The following CAPN5 variants were observed in gnomAD, a reference collection of about 807,000 sequenced individuals.
CAPN5 encodes calpain 5.
CAPN5 carries 54 observed loss-of-function variants against 73.0 expected under a neutral mutation model. The observed-to-expected ratio is 0.74, with a 90% CI of 0.59 to 0.93. The LOEUF is 0.93. Ranked by LOEUF, CAPN5 falls within the 40% of genes least tolerant of loss-of-function variation. The pLI is 0.00. For synonymous variants in CAPN5, 335 were observed against 356.9 expected, an observed-to-expected ratio of 0.94 and a Z score of 0.69; for missense variants, 785 against 882.9, an observed-to-expected ratio of 0.89 and a Z score of 1.41.
chr11:77,067,702 A>C (rs540769007), intron 1 of CAPN5, among the ~76,000 whole-genome samples: 72 of 1,076 alleles, frequency 0.067, no homozygotes, highest in Admixed American at 0.29. Flanking sequence ...TCTGGGAGGG[A>C]ATGGATCTTT....
intron 2 of CAPN5, among the ~76,000 whole-genome samples, chr11:77,088,621 C>T (rs1370039131): frequency 3.3e-5 from 5 of 152,126 alleles, no homozygotes; most frequent in Admixed American, 6.5e-5. Flanking sequence ...ACCTGTTTCC[C>T]ACTGTCTAGT....
At chr11:77,070,404 C>T (rs1479738198) in intron 1 of CAPN5, among the ~76,000 whole-genome samples, 2 of 152,244 alleles carry the variant, frequency 1.3e-5, no homozygotes, top group Non-Finnish European at 1.5e-5. Context: ...CAGCCAGTGC[C>T]CCCTGCTGCT....
intron 1 of CAPN5, among the ~76,000 whole-genome samples, chr11:77,068,971 A>C (rs1442317591): frequency 2.6e-5 from 4 of 152,120 alleles, no homozygotes; most frequent in African/African-American, 9.7e-5. Flanking sequence ...CCAGGCCAGC[A>C]CTGTCTCTGT....
chr11:77,120,388 G>T, intron 9 of CAPN5: 1 of 244,332 alleles, frequency 4.1e-6, no homozygotes, highest in Non-Finnish European at 7.8e-6. Flanking sequence ...CACAGAGCAT[G>T]CAATTCAGCC....
intron 2 of CAPN5, among the ~76,000 whole-genome samples, chr11:77,091,614 C>T (rs1409424283): frequency 6.6e-6 from 1 of 152,222 alleles, no homozygotes; most frequent in African/African-American, 2.4e-5. Flanking sequence ...ACCATACCCA[C>T]AGCCACTGGG....
intron 6 of CAPN5, 119 bp downstream of exon 6, chr11:77,115,707 C>A: frequency 1.3e-6 from 1 of 752,856 alleles, no homozygotes; most frequent in Non-Finnish European, 2.2e-6. Context: ...GAGGATGACA[C>A]TAGGAACGAA....
chr11:77,103,174 C>T (rs782164015), intron 3 of CAPN5: 6 of 1,613,828 alleles, frequency 3.7e-6, no homozygotes, highest in Middle Eastern at 1.6e-4. Flanking sequence ...AAGGAGGACT[C>T]GGATGCCATA....
intron 1 of CAPN5, among the ~76,000 whole-genome samples, chr11:77,070,811 G>A (rs553465945): frequency 6.6e-6 from 1 of 152,240 alleles, no homozygotes; most frequent in South Asian, 2.1e-4. Context: ...GTCTCTTCCA[G>A]CCTCCGGTGG....
At chr11:77,111,733 C>A (rs1374495993) in intron 3 of CAPN5, among the ~76,000 whole-genome samples, 1 of 152,106 alleles carries the variant, frequency 6.6e-6, no homozygotes, top group African/African-American at 2.4e-5. Context: ...AACATCAGAG[C>A]TCAAAGTCAC....
Position 77,087,496 on chromosome 11 carries a change from TCCTCAGCCAGCC to T in CAPN5, c.165+2446_165+2457del, listed in dbSNP as rs538978400. Among the ~76,000 whole-genome samples the T allele has an allele frequency of 8.4e-4, 128 of 152,272 alleles. 1 individual carries two copies. Among genetic ancestry groups the T allele is most frequent in the African/African-American group, 2.9e-3 (122 of 41,562 alleles). On this transcript the variant is annotated intron_variant, in intron 2 of 12. Coordinates refer to ENST00000648180, the MANE Select transcript of CAPN5 (RefSeq NM_004055.5). ...GTGGCTGCTCTGTTCTTAGAGGGTCTCCTCAGCCAGCCTCCCAGCCTCGCTGCCTCTCAAATG... is the reference window on the plus strand; with the variant it reads ...GTGGCTGCTCTGTTCTTAGAGGGTCTTCCCAGCCTCGCTGCCTCTCAAATG...
chr11:77,071,770 G>A, intron 1 of CAPN5: 1 of 403,430 alleles, frequency 2.5e-6, no homozygotes, highest in East Asian at 7.5e-5. Flanking sequence ...CTGGCATTCT[G>A]GGTTGCCATG....
At chr11:77,094,811 C>T (rs1398101446) in intron 3 of CAPN5, among the ~76,000 whole-genome samples, 1 of 152,238 alleles carries the variant, frequency 6.6e-6, no homozygotes, top group African/African-American at 2.4e-5. Flanking sequence ...TGTGCGGCAT[C>T]GTGCTTGGCC....
intron 1 of CAPN5, chr11:77,072,900 G>GA (rs1949925148): frequency 2.9e-6 from 1 of 346,732 alleles, no homozygotes; most frequent in Admixed American, 3.8e-5. Flanking sequence ...ACGAGAGCCT[G>GA]TGGCCAGAGA....
intron 3 of CAPN5, among the ~76,000 whole-genome samples, chr11:77,095,983 C>CTG (rs1350643787): frequency 2.6e-5 from 4 of 152,220 alleles, no homozygotes; most frequent in Non-Finnish European, 1.5e-5. Flanking sequence ...TCCTGTGCTG[C>CTG]TGTGGTGCTA....
In CAPN5 at chr11:77,104,294, C is replaced by T. The variant is rs551721151; in HGVS notation, c.298-8295C>T. Among the ~76,000 whole-genome samples the T allele has an allele frequency of 1.3e-4, 20 of 152,288 alleles. No homozygotes were observed. The South Asian group carries it at 4.1e-3, about 32-fold the overall frequency. On this transcript the variant is annotated intron_variant, in intron 3 of 12. Coordinates refer to ENST00000648180, the MANE Select transcript of CAPN5 (RefSeq NM_004055.5). The stretch of plus-strand genomic sequence containing the variant: ...GGAGAGAGTGGATTCTCCAGGGCCT[C>T]AGGTATCCCCTGCTGGGGAGTCAGG...
At chr11:77,099,603 C>T (rs1950261737) in intron 3 of CAPN5, among the ~76,000 whole-genome samples, 1 of 151,722 alleles carries the variant, frequency 6.6e-6, no homozygotes, top group Non-Finnish European at 1.5e-5. Context: ...CCTGCAATCG[C>T]AGGCACTTGG....
chr11:77,068,780 G>A (rs1555032570), intron 1 of CAPN5, among the ~76,000 whole-genome samples: 1 of 152,146 alleles, frequency 6.6e-6, no homozygotes, highest in Non-Finnish European at 1.5e-5. Flanking sequence ...CTGGGGGCAG[G>A]AGGTGCCCAG....
intron 3 of CAPN5, among the ~76,000 whole-genome samples, chr11:77,098,206 G>C: frequency 1.3e-5 from 1 of 76,250 alleles, no homozygotes; most frequent in Non-Finnish European, 2.5e-5. Context: ...TCCCGGACGG[G>C]GCGGCTGGCC....
intron 2 of CAPN5, among the ~76,000 whole-genome samples, chr11:77,093,175 C>T (rs76208955): frequency 0.016 from 2,435 of 152,268 alleles, 68 homozygotes; most frequent in African/African-American, 0.056. Context: ...GGGGCCTGGC[C>T]CACCGCTCCC....
Sources: gnomAD v4.1 joint callset for allele counts (sites outside exome capture counted in the v4.1 genomes callset) on GRCh38, gnomAD v4.1.1 for gene constraint, MANE v1.5 for transcripts, NCBI Gene and HGNC (gene_info 2026-07-23, HGNC 2026-07-21) for gene names.